The following PFDN1 variants were observed in gnomAD, a reference collection of about 807,000 sequenced individuals.
PFDN1 encodes prefoldin 1.
PFDN1 carries 6 observed loss-of-function variants against 17.3 expected under a neutral mutation model. That is an observed-to-expected ratio of 0.35 (90% CI 0.19 to 0.69). The LOEUF is 0.69. Ranked by LOEUF, PFDN1 falls within the 30% of genes least tolerant of loss-of-function variation. The pLI, the probability that PFDN1 is intolerant of heterozygous loss-of-function variation, is 0.65. For missense variants in PFDN1, 113 were observed against 146.2 expected (o/e 0.77, Z 1.17); for synonymous variants, 58 against 50.1 (o/e 1.16, Z -0.67).
chr5:140,274,367 A>G (rs911157571), intron 3 of PFDN1, among the ~76,000 whole-genome samples: 5 of 152,232 alleles, frequency 3.3e-5, no homozygotes, highest in African/African-American at 1.2e-4. Flanking sequence ...ATGCTTGGGT[A>G]CTTTTCAAAT....
At chr5:140,275,080 A>G (rs1270281463) in intron 3 of PFDN1, among the ~76,000 whole-genome samples, 1 of 151,296 alleles carries the variant, frequency 6.6e-6, no homozygotes, top group African/African-American at 2.4e-5. Context: ...AGTTCTAAGG[A>G]AAAAAAAGAC....
chr5:140,283,755 CAT>C (rs2126694545), intron 2 of PFDN1, among the ~76,000 whole-genome samples: 1 of 152,272 alleles, frequency 6.6e-6, no homozygotes, highest in African/African-American at 2.4e-5. Context: ...AGAACTAACT[CAT>C]ATTTGTATTT....
intron 3 of PFDN1, among the ~76,000 whole-genome samples, chr5:140,272,642 G>A (rs1378204138): frequency 2.6e-5 from 4 of 152,152 alleles, no homozygotes; most frequent in African/African-American, 9.7e-5. Context: ...ACAGGCATGA[G>A]CCACCATGCC....
chr5:140,301,714 C>T (rs952917153), intron 1 of PFDN1, among the ~76,000 whole-genome samples: 6 of 152,122 alleles, frequency 3.9e-5, no homozygotes, highest in Admixed American at 1.3e-4. Flanking sequence ...ATTCACCGCC[C>T]GCAAGTTTCA....
intron 2 of PFDN1, among the ~76,000 whole-genome samples, chr5:140,285,913 A>G (rs1439464908): frequency 6.6e-6 from 1 of 152,146 alleles, no homozygotes; most frequent in Non-Finnish European, 1.5e-5. Context: ...CTGAGGTGTG[A>G]GGATTGCTTA....
intron 2 of PFDN1, among the ~76,000 whole-genome samples, chr5:140,298,538 A>C (rs1765686863): frequency 6.6e-6 from 1 of 152,038 alleles, no homozygotes; most frequent in Non-Finnish European, 1.5e-5. Context: ...CCTGTACTTA[A>C]GGGCTTTTCC....
intron 3 of PFDN1, chr5:140,262,405 T>C: frequency 2.5e-6 from 1 of 402,792 alleles, no homozygotes; most frequent in Non-Finnish European, 5.1e-6. Flanking sequence ...TGATTCTGGT[T>C]CTGGCTCCAT....
intron 2 of PFDN1, among the ~76,000 whole-genome samples, chr5:140,299,375 C>T (rs972222689): frequency 3.3e-5 from 5 of 152,128 alleles, no homozygotes; most frequent in South Asian, 2.1e-4. Context: ...GAGGCCAAGG[C>T]GGGCGGATCA....
intron 2 of PFDN1, among the ~76,000 whole-genome samples, chr5:140,282,637 A>T (rs1484525277): frequency 6.6e-6 from 1 of 152,176 alleles, no homozygotes; most frequent in African/African-American, 2.4e-5. Flanking sequence ...CACATTATTT[A>T]CCACTGATGA....
chr5:140,271,905 A>C (rs1561503610), intron 3 of PFDN1, among the ~76,000 whole-genome samples: 1 of 150,328 alleles, frequency 6.7e-6, no homozygotes, highest in East Asian at 1.9e-4. Flanking sequence ...GCTAAACTAA[A>C]TTATATATAT....
chr5:140,269,417 C>A (rs1765175135), intron 3 of PFDN1, among the ~76,000 whole-genome samples: 1 of 151,654 alleles, frequency 6.6e-6, no homozygotes, highest in Non-Finnish European at 1.5e-5. Flanking sequence ...CTCCCGGGTT[C>A]AAGCGATTCT....
In PFDN1 at chr5:140,281,694, T is replaced by C. The variant is rs6893253; in HGVS notation, c.201-161A>G. On this transcript the variant is annotated intron_variant, in intron 2 of 3. Transcript: ENST00000261813. ...GAAACCACCAGAAGTTTAAACCTTC[T>C]TGGCTGAGAAGGAATAAAGGCTTAA... 0.49 allele frequency: 292,780 copies of C among 592,450 alleles called. 73,988 individuals carry two copies. Among genetic ancestry groups the C allele is most frequent in the South Asian group, 0.69 (36,725 of 53,532 alleles). 36.7% of individuals were successfully genotyped at this position (592,450 alleles called of 1,614,324 possible).
At chr5:140,301,254 T>C (rs1027065257) in intron 1 of PFDN1, among the ~76,000 whole-genome samples, 1 of 152,218 alleles carries the variant, frequency 6.6e-6, no homozygotes, top group African/African-American at 2.4e-5. Flanking sequence ...AATATGAACA[T>C]TTTTAAGAGG....
intron 3 of PFDN1, among the ~76,000 whole-genome samples, chr5:140,260,967 G>A (rs570693789): frequency 6.6e-6 from 1 of 151,814 alleles, no homozygotes; most frequent in Non-Finnish European, 1.5e-5. Context: ...CTGGAGACCA[G>A]CCTGGCCAAC....
chr5:140,281,313 G>A (rs896554832), intron 3 of PFDN1, 136 bp downstream of exon 3: 12 of 572,620 alleles, frequency 2.1e-5, no homozygotes, highest in South Asian at 6.4e-5. Flanking sequence ...ACAGCTTCAC[G>A]GCTCCAACGT....
At chr5:140,299,434 T>C (rs911830999) in intron 2 of PFDN1, among the ~76,000 whole-genome samples, 1 of 151,948 alleles carries the variant, frequency 6.6e-6, no homozygotes, top group Non-Finnish European at 1.5e-5. Context: ...ACCCCATTTC[T>C]ACTAAAAATA....
rs571740170 is a variant in PFDN1 at position 140,280,791 on chromosome 5, C to T, written c.285+658G>A. On this transcript the variant is annotated intron_variant, in intron 3 of 3. Coordinates refer to ENST00000261813, the MANE Select transcript of PFDN1 (RefSeq NM_002622.5). Reference sequence around the variant, plus strand: ...AACTTTTACTATACACAGGATGGGCCTTTCACCAAAGCCCAAGAAGAATAT... The same window carrying T: ...AACTTTTACTATACACAGGATGGGCTTTTCACCAAAGCCCAAGAAGAATAT... Among the ~76,000 whole-genome samples, 19 of 152,160 alleles carry T rather than the reference C, an allele frequency of 1.2e-4. 1 individual carries two copies. The South Asian group carries it at 3.9e-3, about 32-fold the overall frequency.
intron 1 of PFDN1, among the ~76,000 whole-genome samples, chr5:140,301,478 A>G (rs1271625293): frequency 6.6e-6 from 1 of 152,224 alleles, no homozygotes; most frequent in East Asian, 1.9e-4. Context: ...TGCAATGCAC[A>G]GCAAAGGCTA....
At chr5:140,296,173 G>A (rs1005158759) in intron 2 of PFDN1, among the ~76,000 whole-genome samples, 2 of 151,946 alleles carry the variant, frequency 1.3e-5, no homozygotes, top group African/African-American at 4.8e-5. Context: ...ATCTTACATG[G>A]ATCATATATT....
Sources: gnomAD v4.1 joint callset for allele counts (sites outside exome capture counted in the v4.1 genomes callset) on GRCh38, gnomAD v4.1.1 for gene constraint, MANE v1.5 for transcripts, NCBI Gene and HGNC (gene_info 2026-07-23, HGNC 2026-07-21) for gene names.